SIM1: variants seen among roughly 807,000 people sequenced by gnomAD.
SIM1 encodes the protein single-minded homolog 1.
Under a neutral mutation model 78.2 loss-of-function variants are expected in SIM1, and 18 were observed. The observed-to-expected ratio is 0.23, with a 90% confidence interval of 0.16 to 0.34. The LOEUF is 0.34. Among genes scored for constraint, SIM1 ranks in the 10% least tolerant of loss-of-function variants. The pLI is 1.00. For missense variants in SIM1, 939 were observed against 975.1 expected, an observed-to-expected ratio of 0.96 and a Z score of 0.49; for synonymous variants, 417 against 385.2, an observed-to-expected ratio of 1.08 and a Z score of -0.97.
At chr6:100,446,635 C>A (rs983989881) in intron 9 of SIM1, among the ~76,000 whole-genome samples, 4 of 152,230 alleles carry the variant, frequency 2.6e-5, no homozygotes, top group African/African-American at 9.6e-5. Context: ...CCCTGTCATT[C>A]GCGCCCGCAG....
At chr6:100,452,800 G>A (rs1772549050) in intron 3 of SIM1, among the ~76,000 whole-genome samples, 2 of 152,196 alleles carry the variant, frequency 1.3e-5, no homozygotes, top group South Asian at 4.1e-4. Context: ...CCACGTCAGT[G>A]AGAGAATGCT....
intron 3 of SIM1, among the ~76,000 whole-genome samples, chr6:100,452,639 G>A (rs1193021819): frequency 6.6e-6 from 1 of 152,172 alleles, no homozygotes; most frequent in Non-Finnish European, 1.5e-5. Context: ...GCTGGAAAGT[G>A]TCAGGGACAG....
chr6:100,423,778 AC>A (rs1037936173), intron 9 of SIM1, among the ~76,000 whole-genome samples: 2 of 152,222 alleles, frequency 1.3e-5, no homozygotes, highest in African/African-American at 4.8e-5. Flanking sequence ...CTGCCATTAG[AC>A]ATCAGTGAGC....
chr6:100,433,798 A>G (rs1263721859), intron 9 of SIM1, among the ~76,000 whole-genome samples: 1 of 147,598 alleles, frequency 6.8e-6, no homozygotes, highest in Non-Finnish European at 1.5e-5. Flanking sequence ...ATACATATAT[A>G]TTTAAAAACT....
At chr6:100,404,074 G>A (rs1271911837) in intron 10 of SIM1, among the ~76,000 whole-genome samples, 3 of 152,060 alleles carry the variant, frequency 2.0e-5, no homozygotes, top group African/African-American at 7.2e-5. Context: ...TTTACAAAGG[G>A]GACTTTCTCC....
At chr6:100,440,888 AAC>A (rs779773917) in intron 9 of SIM1, among the ~76,000 whole-genome samples, 1 of 152,104 alleles carries the variant, frequency 6.6e-6, no homozygotes, top group East Asian at 1.9e-4. Context: ...TATCAAACAT[AAC>A]AGTGTTTCCC....
intron 11 of SIM1, 32 bp downstream of exon 11, chr6:100,393,455 T>C (rs1457312163): frequency 3.4e-6 from 5 of 1,490,896 alleles, no homozygotes; most frequent in Non-Finnish European, 8.9e-7. Flanking sequence ...GCCTAATGCT[T>C]GGAGTTCGGG....
chr6:100,416,206 C>T (rs2095689889), intron 10 of SIM1, among the ~76,000 whole-genome samples: 2 of 151,280 alleles, frequency 1.3e-5, no homozygotes, highest in African/African-American at 4.9e-5. Flanking sequence ...TAAACCTGTC[C>T]TTGTTGACTG....
chr6:100,438,866 A>C (rs2114528087), intron 9 of SIM1, among the ~76,000 whole-genome samples: 1 of 152,328 alleles, frequency 6.6e-6, no homozygotes, highest in Admixed American at 6.5e-5. Flanking sequence ...AGGAATGGAA[A>C]ACCAAATATC....
In SIM1 at chr6:100,448,779, A is replaced by G. The variant is rs538516016; in HGVS notation, c.544-101T>C. ...CATGTTGAAACTCTGCTTAGCCCCAAAGCAGTGCTGACCACGCCCGTGCAC... is the reference window on the plus strand; with the variant it reads ...CATGTTGAAACTCTGCTTAGCCCCAGAGCAGTGCTGACCACGCCCGTGCAC... On this transcript the variant is annotated intron_variant, in intron 6 of 11. Coordinates refer to ENST00000369208, the MANE Select transcript of SIM1 (RefSeq NM_005068.3). The G allele has an allele frequency of 2.4e-5, 26 of 1,092,254 alleles. No homozygotes were observed. The East Asian group carries it at 6.4e-4, about 27-fold the overall frequency. 67.7% of individuals were successfully genotyped at this position (1,092,254 alleles called of 1,614,324 possible).
Position 100,393,801 on chromosome 6 carries a change from A to G in SIM1, c.1256T>C (p.Leu419Pro), listed in dbSNP as rs1208971899. ...GCCAGGCCTATCGGCGGGGTCCAGA[A>G]GCTGCGGAGAGGCCGTGTCGGTCAA... ...SPLTDTASPQLLDPADRPGSQ... is the reference protein window; with the variant it reads ...SPLTDTASPQPLDPADRPGSQ... The change falls in exon 11 of 12, where the codon CTT becomes CCT. Residue 419 changes from leucine to proline, a missense_variant. Leu to Pro is a moderately conservative substitution (Grantham distance 98). Around this residue, in one of 5 missense-constraint regions of SIM1, gnomAD observed 556 missense variants for 521.9 expected, o/e 1.07. Transcript: ENST00000369208. 1 of 1,613,844 alleles carries G rather than the reference A, an allele frequency of 6.2e-7. No individual in the cohort carries two copies. The highest frequency in any genetic ancestry group is 2.2e-5 in the East Asian group (1 of 44,868).
intron 10 of SIM1, among the ~76,000 whole-genome samples, chr6:100,398,736 C>T (rs1343324078): frequency 6.6e-6 from 1 of 152,046 alleles, no homozygotes; most frequent in Non-Finnish European, 1.5e-5. Context: ...CATGGGTGTA[C>T]AAATATGTCT....
rs1770532791 is a variant in SIM1, at chr6:100,387,223, T to C, written c.*3138A>G. 1 of 152,138 alleles carries C rather than the reference T, an allele frequency of 6.6e-6. No homozygotes were observed. Among genetic ancestry groups the C allele is most frequent in the African/African-American group, 2.4e-5 (1 of 41,472 alleles). 9.4% of individuals were successfully genotyped at this position (152,138 alleles called of 1,614,324 possible). Reference sequence around the variant, plus strand: ...TATCCCCAAGGTGATATGAAAATCATACTTCTGTATCTATTTCAATCAAGT... The same window carrying C: ...TATCCCCAAGGTGATATGAAAATCACACTTCTGTATCTATTTCAATCAAGT... On this transcript the variant is annotated 3_prime_UTR_variant, in exon 12 of 12. Transcript: ENST00000369208.
At chr6:100,412,984 T>G (rs1771299578) in intron 10 of SIM1, among the ~76,000 whole-genome samples, 1 of 152,160 alleles carries the variant, frequency 6.6e-6, no homozygotes, top group South Asian at 2.1e-4. Context: ...ATGTGAGCTC[T>G]CTAAGCCTAG....
At chr6:100,435,553 A>G (rs762365460) in intron 9 of SIM1, among the ~76,000 whole-genome samples, 1 of 152,080 alleles carries the variant, frequency 6.6e-6, no homozygotes, top group Non-Finnish European at 1.5e-5. Context: ...TGAACAAAAC[A>G]ATGTGCCACG....
intron 8 of SIM1, 52 bp downstream of exon 8, chr6:100,448,094 A>C (rs1772409622): frequency 1.4e-6 from 2 of 1,452,418 alleles, no homozygotes. Context: ...CCCACCCCCT[A>C]ACCAGCGGAT....
chr6:100,445,977 T>C (rs1158570831), intron 9 of SIM1, among the ~76,000 whole-genome samples: 1 of 152,234 alleles, frequency 6.6e-6, no homozygotes, highest in Non-Finnish European at 1.5e-5. Flanking sequence ...TTTTGTTTTG[T>C]ATTAAAATAC....
intron 10 of SIM1, among the ~76,000 whole-genome samples, chr6:100,398,774 G>T (rs1346924101): frequency 6.6e-6 from 1 of 152,002 alleles, no homozygotes; most frequent in East Asian, 1.9e-4. Flanking sequence ...ATCCTTTAGG[G>T]TATATTACCA....
Position 100,390,390 on chromosome 6 carries a change from T to C in SIM1, c.2272A>G (p.Thr758Ala). 1 of 1,613,876 alleles carries C rather than the reference T, an allele frequency of 6.2e-7. No homozygotes were observed. ...QPDPAQGHKG[T>A]SVIITNGS ...CTTCCGTTGGTTATTATAACAGATG[T>C]TCCCTTGTGTCCTTGTGCTGGGTCT... The change falls in exon 12 of 12, where the codon ACA becomes GCA. Residue 758 changes from threonine to alanine, a missense_variant. Coordinates refer to ENST00000369208, the MANE Select transcript of SIM1 (RefSeq NM_005068.3).
Sources: gnomAD v4.1 joint callset for allele counts (sites outside exome capture counted in the v4.1 genomes callset) on GRCh38, gnomAD v4.1.1 for gene constraint, gnomAD v4.1.1 regional missense constraint, MANE v1.5 for transcripts, NCBI Gene and HGNC (gene_info 2026-07-23, HGNC 2026-07-21) for gene names.